The following SLCO5A1 variants were observed in gnomAD, a reference collection of about 807,000 sequenced individuals.
SLCO5A1 encodes the protein organic anion transporter polypeptide-related protein 4.
SLCO5A1 carries 39 observed loss-of-function variants against 65.1 expected under a neutral mutation model. The observed-to-expected ratio is 0.60, with a 90% CI of 0.46 to 0.78. The LOEUF is 0.78. Among genes scored for constraint, SLCO5A1 ranks in the 30% least tolerant of loss-of-function variants. SLCO5A1 has a pLI of 0.00. For missense variants in SLCO5A1, 1,029 were observed against 1,069.4 expected, an observed-to-expected ratio of 0.96 and a Z score of 0.53; for synonymous variants, 438 against 415.7, an observed-to-expected ratio of 1.05 and a Z score of -0.65.
chr8:69,773,066 C>T (rs1187880679), intron 2 of SLCO5A1: 1 of 634,940 alleles, frequency 1.6e-6, no homozygotes, highest in African/African-American at 2.0e-5. Context: ...GAGCAGCACA[C>T]ATGGGCAAAG....
chr8:69,785,912 T>G (rs374121410), intron 2 of SLCO5A1, among the ~76,000 whole-genome samples: 24 of 152,210 alleles, frequency 1.6e-4, no homozygotes, highest in African/African-American at 5.5e-4. Flanking sequence ...GAATCCTGAA[T>G]AGTCATAGAA....
intron 6 of SLCO5A1, among the ~76,000 whole-genome samples, chr8:69,699,452 A>G (rs1439146801): frequency 6.6e-6 from 1 of 152,226 alleles, no homozygotes; most frequent in African/African-American, 2.4e-5. Flanking sequence ...GAAGCACCTC[A>G]GAGGTAAGCC....
At chr8:69,748,176 G>A (rs1483497559) in intron 4 of SLCO5A1, among the ~76,000 whole-genome samples, 1 of 152,166 alleles carries the variant, frequency 6.6e-6, no homozygotes, top group African/African-American at 2.4e-5. Flanking sequence ...TGGCAGCTTA[G>A]CACATTGAGC....
chr8:69,813,342 C>T (rs772912503), intron 2 of SLCO5A1, among the ~76,000 whole-genome samples: 4 of 152,212 alleles, frequency 2.6e-5, no homozygotes, highest in Non-Finnish European at 5.9e-5. Flanking sequence ...CTGTACCATT[C>T]CATTTCAGAC....
At chr8:69,682,635 G>A (rs1463391474) in intron 6 of SLCO5A1, among the ~76,000 whole-genome samples, 1 of 152,094 alleles carries the variant, frequency 6.6e-6, no homozygotes, top group Non-Finnish European at 1.5e-5. Flanking sequence ...CAACATCTGG[G>A]CTCTGCAATT....
intron 3 of SLCO5A1, among the ~76,000 whole-genome samples, chr8:69,757,292 A>C (rs1345848530): frequency 6.6e-5 from 10 of 152,214 alleles, no homozygotes; most frequent in Admixed American, 6.5e-4. Context: ...TCACCAGCCC[A>C]GTGCCTGACA....
At chr8:69,813,882 C>T (rs564350690) in intron 2 of SLCO5A1, among the ~76,000 whole-genome samples, 17 of 152,298 alleles carry the variant, frequency 1.1e-4, no homozygotes, top group Admixed American at 3.3e-4. Flanking sequence ...CTCTTTGTAA[C>T]GCCAGTGGTT....
At chr8:69,723,814 C>T (rs1586727986) in intron 5 of SLCO5A1, among the ~76,000 whole-genome samples, 1 of 143,660 alleles carries the variant, frequency 7.0e-6, no homozygotes, top group Middle Eastern at 4.0e-3. Context: ...ACTCTGTCAT[C>T]CAGGACAGGG....
intron 5 of SLCO5A1, among the ~76,000 whole-genome samples, chr8:69,728,198 C>T (rs1212010880): frequency 2.6e-5 from 4 of 151,694 alleles, no homozygotes; most frequent in African/African-American, 7.3e-5. Context: ...TGTAAAATAC[C>T]GATGTATATA....
chr8:69,716,482 G>A (rs1177521407), intron 5 of SLCO5A1, among the ~76,000 whole-genome samples: 1 of 152,166 alleles, frequency 6.6e-6, no homozygotes, highest in East Asian at 1.9e-4. Flanking sequence ...ACCAACTCTT[G>A]TTATTATCAC....
At chr8:69,737,198 G>T (rs1021604707) in intron 5 of SLCO5A1, among the ~76,000 whole-genome samples, 31 of 152,118 alleles carry the variant, frequency 2.0e-4, no homozygotes, top group Non-Finnish European at 4.4e-4. Context: ...AGTGATGCTT[G>T]TTCATTTTCA....
intron 2 of SLCO5A1, chr8:69,773,035 G>T: frequency 1.1e-6 from 1 of 886,014 alleles, no homozygotes; most frequent in Non-Finnish European, 1.4e-6. Context: ...AAGGCTTCAT[G>T]GATGCTAGAC....
intron 6 of SLCO5A1, among the ~76,000 whole-genome samples, chr8:69,697,721 A>G (rs777197877): frequency 3.9e-5 from 6 of 152,182 alleles, no homozygotes; most frequent in South Asian, 4.1e-4. Flanking sequence ...CTTCCAAATA[A>G]AGTTAGCCAC....
At chr8:69,826,618 A>C (rs1465568581) in intron 2 of SLCO5A1, among the ~76,000 whole-genome samples, 1 of 152,136 alleles carries the variant, frequency 6.6e-6, no homozygotes, top group Admixed American at 6.5e-5. Context: ...GATCATTAAA[A>C]AGTCAGGAAA....
chr8:69,759,009 A>G (rs1420317172), intron 3 of SLCO5A1, among the ~76,000 whole-genome samples: 2 of 152,212 alleles, frequency 1.3e-5, no homozygotes, highest in African/African-American at 4.8e-5. Flanking sequence ...CAGCTGCAAA[A>G]TGCACATACC....
At chr8:69,685,911 C>T (rs774037785) in intron 6 of SLCO5A1, among the ~76,000 whole-genome samples, 1 of 152,060 alleles carries the variant, frequency 6.6e-6, no homozygotes, top group Admixed American at 6.5e-5. Flanking sequence ...GATTGTTAAA[C>T]ATAATTCAAA....
chr8:69,826,249 G>A (rs966585564), intron 2 of SLCO5A1, among the ~76,000 whole-genome samples: 1 of 151,612 alleles, frequency 6.6e-6, no homozygotes, highest in Non-Finnish European at 1.5e-5. Context: ...AACACCAAAA[G>A]CAATGGCAAC....
chr8:69,753,456 A>G (rs1817408995), intron 4 of SLCO5A1, among the ~76,000 whole-genome samples: 2 of 152,210 alleles, frequency 1.3e-5, no homozygotes, highest in Admixed American at 1.3e-4. Flanking sequence ...CTCTGCCATG[A>G]AAACAGTAGG....
rs1394674854 is a variant in SLCO5A1 at position 69,670,044 on chromosome 8, C to T, written c.*2825G>A. 1 of 152,098 alleles carries T rather than the reference C, an allele frequency of 6.6e-6. No individual in the cohort carries two copies. Among genetic ancestry groups the T allele is most frequent in the Non-Finnish European group, 1.5e-5 (1 of 68,032 alleles). 9.4% of individuals were successfully genotyped at this position (152,098 alleles called of 1,614,324 possible). A position where few individuals can be genotyped will look rare whatever the true frequency, so the allele number is the denominator to read the frequency against. Reference sequence around the variant, plus strand: ...ACCTATAAAGAATAAGGACTTAATGCTAATGAAAATAACCAAAGAATGCGC... The same window carrying T: ...ACCTATAAAGAATAAGGACTTAATGTTAATGAAAATAACCAAAGAATGCGC... On this transcript the variant is annotated 3_prime_UTR_variant, in exon 10 of 10. Transcript: ENST00000260126.
Sources: gnomAD v4.1 joint callset for allele counts (sites outside exome capture counted in the v4.1 genomes callset) on GRCh38, gnomAD v4.1.1 for gene constraint, MANE v1.5 for transcripts, NCBI Gene and HGNC (gene_info 2026-07-23, HGNC 2026-07-21) for gene names.